Variants in DEFA4 observed in about 807,000 individuals in gnomAD.
DEFA4 encodes defensin alpha 4, also known as corticostatin.
In DEFA4, 8 loss-of-function variants were observed where a neutral mutation model predicts 4.4. The ratio of observed to expected loss-of-function variants is 1.82; its 90% CI spans 1.07 to 3.29. DEFA4 has a LOEUF of 3.29. Among genes scored for constraint, DEFA4 ranks in the 30% most tolerant of loss-of-function variants. DEFA4 has a pLI of 0.00. For synonymous variants in DEFA4, 77 were observed against 46.5 expected, an observed-to-expected ratio of 1.66 and a Z score of -2.67; for missense variants, 216 against 127.0, an observed-to-expected ratio of 1.70 and a Z score of -3.37.
rs139389771 is a variant in DEFA4 at position 6,936,186 on chromosome 8, C to T, written c.173-45G>A. 2.6e-4 allele frequency: 411 copies of T among 1,607,142 alleles called. 1 individual carries two copies. In the African/African-American group the frequency reaches 4.7e-3, roughly 18 times the overall value. ...ATGAGAAATTAAGCACCAAGGTCAG[C>T]GGTGGGTGGTAAAGGGAATCTTGGA... On this transcript the variant is annotated intron_variant, in intron 2 of 2. Transcript: ENST00000297435.
intron 2 of DEFA4, 66 bp from the exon 3 acceptor site, chr8:6,936,207 T>A: frequency 6.3e-7 from 1 of 1,597,780 alleles, no homozygotes; most frequent in Non-Finnish European, 8.5e-7. Flanking sequence ...AAAGGGAATC[T>A]TGGAGAAGTC....
chr8:6,937,024 G>T, intron 1 of DEFA4, 113 bp from the exon 2 acceptor site: 1 of 932,438 alleles, frequency 1.1e-6, no homozygotes, highest in Non-Finnish European at 1.5e-6. Context: ...CTGAGTGAGA[G>T]GAGGTGTGCA....
chr8:6,935,865 G>A lies in DEFA4; in HGVS notation c.*155C>T. 1 of 976,786 alleles carries A rather than the reference G, an allele frequency of 1.0e-6. No individual in the cohort carries two copies. Among genetic ancestry groups the A allele is most frequent in the East Asian group, 2.4e-5 (1 of 41,426 alleles). The allele number at this position is 976,786 out of a possible 1,614,324, so 60.5% of individuals were successfully genotyped here. On this transcript the variant is annotated 3_prime_UTR_variant, in exon 3 of 3. Coordinates refer to ENST00000297435, the MANE Select transcript of DEFA4 (RefSeq NM_001925.3). ...ATTTAGGATCAAGAAAGATGTTAAG[G>A]ACAAAGTATAGGAGAAACAACCATT...
At chr8:6,937,299 T>G (rs1808897685) in intron 1 of DEFA4, among the ~76,000 whole-genome samples, 1 of 152,170 alleles carries the variant, frequency 6.6e-6, no homozygotes, top group African/African-American at 2.4e-5. Context: ...TTCCTGATAA[T>G]GGGCCCTACT....
Position 6,935,908 on chromosome 8 carries a change from C to G in DEFA4, c.*112G>C. 6.6e-7 allele frequency: 1 copy of G among 1,503,798 alleles called. No homozygotes were observed. The highest frequency in any genetic ancestry group is 9.2e-7 in the Non-Finnish European group (1 of 1,088,380). The allele number at this position is 1,503,798 out of a possible 1,614,324, so 93.2% of individuals were successfully genotyped here. Reference sequence around the variant, plus strand: ...CAACCATTTCCTGTAGCTCTCAAAGCAAATTATGAGCTCATTTTTCTCTAT... The same window carrying G: ...CAACCATTTCCTGTAGCTCTCAAAGGAAATTATGAGCTCATTTTTCTCTAT... On this transcript the variant is annotated 3_prime_UTR_variant, in exon 3 of 3. Transcript: ENST00000297435.
chr8:6,936,949 G>A (rs1487378395), intron 1 of DEFA4, 38 bp from the exon 2 acceptor site: 2 of 1,462,160 alleles, frequency 1.4e-6, no homozygotes, highest in Non-Finnish European at 1.8e-6. Context: ...TGTGGGGAGG[G>A]AGAAGCCAGC....
rs74947437 is a variant in DEFA4 at position 6,935,882 on chromosome 8, A to G, written c.*138T>C. 0.015 allele frequency: 17,155 copies of G among 1,177,146 alleles called. 182 individuals are homozygous for G. The highest frequency in any genetic ancestry group is 0.042 in the Middle Eastern group (211 of 5,006). 72.9% of individuals were successfully genotyped at this position (1,177,146 alleles called of 1,614,324 possible). A position where few individuals can be genotyped will look rare whatever the true frequency, so the allele number is the denominator to read the frequency against. Reference sequence around the variant, plus strand: ...ATGTTAAGGACAAAGTATAGGAGAAACAACCATTTCCTGTAGCTCTCAAAG... The same window carrying G: ...ATGTTAAGGACAAAGTATAGGAGAAGCAACCATTTCCTGTAGCTCTCAAAG... On this transcript the variant is annotated 3_prime_UTR_variant, in exon 3 of 3. Transcript: ENST00000297435.
At chr8:6,936,182 T>A in intron 2 of DEFA4, 41 bp from the exon 3 acceptor site, 4 of 1,609,224 alleles carry the variant, frequency 2.5e-6, no homozygotes, top group Non-Finnish European at 3.4e-6. Flanking sequence ...AGCACCAAGG[T>A]CAGCGGTGGG....
chr8:6,936,865 A>C lies in DEFA4; in HGVS notation c.35T>G (p.Leu12Trp), dbSNP rs762480984. The C allele has an allele frequency of 1.9e-6, 3 of 1,611,894 alleles. No homozygotes were observed. ...RIIALLAAIL[L>W]VALQVRAGPL... ...GCCTGCCCGGACCTGGAGGGCTACCAAGAGAATAGCAGCGAGGAGGGCGAT... is the reference window on the plus strand; with the variant it reads ...GCCTGCCCGGACCTGGAGGGCTACCCAGAGAATAGCAGCGAGGAGGGCGAT... Residue 12 changes from leucine (L) to tryptophan (W), a missense_variant, in exon 2 of 3, where the codon TTG (leucine) becomes TGG (tryptophan). By Grantham distance (61) the Leu-to-Trp change is moderately conservative (BLOSUM62 -2). Coordinates refer to ENST00000297435, the MANE Select transcript of DEFA4 (RefSeq NM_001925.3).
At chr8:6,936,229 G>C in intron 2 of DEFA4, 88 bp from the exon 3 acceptor site, 1 of 1,553,378 alleles carries the variant, frequency 6.4e-7, no homozygotes, top group Non-Finnish European at 8.8e-7. Flanking sequence ...CATGCTGGCT[G>C]ACCGGTGATG....
At position 6,936,035 on chromosome 8, in the gene DEFA4, G is replaced by A. The variant is rs746662971; in HGVS notation, c.279C>T (p.Cys93=). ...CAGCAGAACGTTAATCGACACGCGTGCAGCAGTATGTGAAACTCACACCAC... is the reference window on the plus strand; with the variant it reads ...CAGCAGAACGTTAATCGACACGCGTACAGCAGTATGTGAAACTCACACCAC... ...LIGGVSFTYC[C]TRVD is the part of the protein sequence containing the mutation. The change falls in exon 3 of 3, where the codon TGC becomes TGT. Residue 93 remains cysteine, a synonymous_variant. Transcript: ENST00000297435. The A allele has an allele frequency of 6.2e-6, 10 of 1,613,720 alleles. No individual in the cohort carries two copies. The South Asian group carries it at 1.1e-4, about 18-fold the overall frequency.
At chr8:6,936,267 A>C (rs2117336889) in intron 2 of DEFA4, 126 bp from the exon 3 acceptor site, 1 of 1,210,792 alleles carries the variant, frequency 8.3e-7, no homozygotes, top group Non-Finnish European at 1.2e-6. Context: ...GGTAGCACAA[A>C]CAACCTTAGT....
chr8:6,937,856 G>C (rs1490589467), intron 1 of DEFA4, among the ~76,000 whole-genome samples: 1 of 152,102 alleles, frequency 6.6e-6, no homozygotes, highest in Non-Finnish European at 1.5e-5. Flanking sequence ...GTGGTAGAAG[G>C]GGTAAATATC....
intron 1 of DEFA4, among the ~76,000 whole-genome samples, chr8:6,937,762 C>G (rs568076454): frequency 2.0e-5 from 3 of 152,092 alleles, no homozygotes; most frequent in Non-Finnish European, 2.9e-5. Context: ...GCATTGAACG[C>G]TAAAGCATCT....
intron 1 of DEFA4, 90 bp downstream of exon 1, chr8:6,938,136 C>G (rs930813760): frequency 6.6e-6 from 1 of 152,172 alleles, no homozygotes; most frequent in African/African-American, 2.4e-5. Context: ...CTGGGTCCCT[C>G]TGGGGTGGCC....
intron 1 of DEFA4, among the ~76,000 whole-genome samples, chr8:6,937,315 C>T (rs4273874): frequency 0.026 from 3,905 of 152,284 alleles, 71 homozygotes; most frequent in Non-Finnish European, 0.042. Flanking sequence ...CTACTATTCT[C>T]TTCAGGTCTA....
intron 1 of DEFA4, among the ~76,000 whole-genome samples, chr8:6,937,970 T>A (rs868265190): frequency 1.3e-5 from 2 of 152,288 alleles, no homozygotes; most frequent in South Asian, 4.2e-4. Flanking sequence ...AAAATAATGT[T>A]TTAAGAAGCT....
At chr8:6,936,940 G>A (rs1397508924) in intron 1 of DEFA4, 29 bp from the exon 2 acceptor site, 2 of 1,497,286 alleles carry the variant, frequency 1.3e-6, no homozygotes, top group East Asian at 2.4e-5. Context: ...GAGCAGCTGT[G>A]TGGGGAGGGA....
intron 1 of DEFA4, among the ~76,000 whole-genome samples, chr8:6,937,862 A>C (rs764837850): frequency 6.6e-6 from 1 of 152,188 alleles, no homozygotes; most frequent in South Asian, 2.1e-4. Flanking sequence ...GAAGGGGTAA[A>C]TATCTGAATA....
Sources: gnomAD v4.1 joint callset for allele counts (sites outside exome capture counted in the v4.1 genomes callset) on GRCh38, gnomAD v4.1.1 for gene constraint, MANE v1.5 for transcripts, NCBI Gene and HGNC (gene_info 2026-07-23, HGNC 2026-07-21) for gene names.